The following PLD5 variants were observed in gnomAD, a reference collection of about 807,000 sequenced individuals.
PLD5 encodes inactive phospholipase D5.
In PLD5, 36 loss-of-function variants were observed where a neutral mutation model predicts 61.1. The observed-to-expected ratio is 0.59, with a 90% CI of 0.45 to 0.78. The LOEUF (loss-of-function observed/expected upper bound fraction) is 0.78, where lower values mean the gene tolerates loss of function less well. Ranked by LOEUF, PLD5 falls within the 30% of genes least tolerant of loss-of-function variation. The pLI is 0.00. For missense variants in PLD5, 515 were observed against 644.4 expected, an observed-to-expected ratio of 0.80 and a Z score of 2.17; for synonymous variants, 243 against 242.8, an observed-to-expected ratio of 1.00 and a Z score of -0.01.
intron 1 of PLD5, among the ~76,000 whole-genome samples, chr1:242,419,372 C>A (rs1228781724): frequency 6.7e-6 from 1 of 149,254 alleles, no homozygotes; most frequent in African/African-American, 2.5e-5. Context: ...AAGCTGAGTG[C>A]AGTCCTGATT....
intron 9 of PLD5, among the ~76,000 whole-genome samples, chr1:242,092,799 C>T (rs1659935438): frequency 6.6e-6 from 1 of 152,150 alleles, no homozygotes; most frequent in Non-Finnish European, 1.5e-5. Flanking sequence ...GGTCTCTGCT[C>T]TGTATTCTGG....
chr1:242,112,323 G>GTGTATATA (rs1353476913), intron 7 of PLD5, among the ~76,000 whole-genome samples: 14 of 80,568 alleles, frequency 1.7e-4, no homozygotes, highest in South Asian at 6.2e-4. Flanking sequence ...GTGTGTGTGT[G>GTGTATATA]TATGTATGTA....
intron 4 of PLD5, among the ~76,000 whole-genome samples, chr1:242,255,872 C>A (rs2149089386): frequency 6.6e-6 from 1 of 152,274 alleles, no homozygotes; most frequent in East Asian, 1.9e-4. Flanking sequence ...ACAAGAGTGA[C>A]AGAGATTTAG....
intron 1 of PLD5, among the ~76,000 whole-genome samples, chr1:242,429,177 A>C (rs1370424811): frequency 1.3e-5 from 2 of 152,228 alleles, no homozygotes; most frequent in Admixed American, 1.3e-4. Context: ...GATCTTGAAA[A>C]AGTTCCAATA....
chr1:242,359,958 A>G (rs1660977365), intron 1 of PLD5, among the ~76,000 whole-genome samples: 1 of 152,210 alleles, frequency 6.6e-6, no homozygotes, highest in African/African-American at 2.4e-5. Flanking sequence ...AGAGAGGCAG[A>G]GAGAAATAGG....
At chr1:242,191,472 G>C (rs139266252) in intron 5 of PLD5, among the ~76,000 whole-genome samples, 1 of 152,068 alleles carries the variant, frequency 6.6e-6, no homozygotes. Context: ...TGTAATCCCA[G>C]CTACTCGGGA....
intron 1 of PLD5, among the ~76,000 whole-genome samples, chr1:242,378,261 A>G (rs558168176): frequency 3.3e-5 from 5 of 152,230 alleles, no homozygotes; most frequent in African/African-American, 1.2e-4. Flanking sequence ...TCCTGACACA[A>G]AAGGATAATG....
At chr1:242,464,277 C>A (rs1667209468) in intron 1 of PLD5, among the ~76,000 whole-genome samples, 1 of 152,130 alleles carries the variant, frequency 6.6e-6, no homozygotes, top group African/African-American at 2.4e-5. Context: ...GTGCCAGTGG[C>A]TCCTATATTA....
intron 5 of PLD5, among the ~76,000 whole-genome samples, chr1:242,134,755 G>A (rs1019236650): frequency 5.3e-5 from 8 of 152,086 alleles, no homozygotes; most frequent in Admixed American, 2.0e-4. Flanking sequence ...CCACACATAC[G>A]CCACAGCAGT....
intron 5 of PLD5, among the ~76,000 whole-genome samples, chr1:242,195,267 C>T (rs927247203): frequency 9.2e-5 from 14 of 152,166 alleles, no homozygotes; most frequent in East Asian, 1.9e-4. Context: ...GCATCTGGAG[C>T]GCTTTTGCTG....
At chr1:242,183,649 A>AG (rs1667663843) in intron 5 of PLD5, among the ~76,000 whole-genome samples, 1 of 152,120 alleles carries the variant, frequency 6.6e-6, no homozygotes. Context: ...TAATCCCAGC[A>AG]CTTTGGGAGG....
intron 2 of PLD5, among the ~76,000 whole-genome samples, chr1:242,297,671 C>G (rs367865735): frequency 2.1e-5 from 3 of 143,556 alleles, no homozygotes; most frequent in Non-Finnish European, 3.0e-5. Context: ...CTCGCTCTGT[C>G]GCCCAGGCCG....
chr1:242,310,941 T>C (rs1676662321), intron 2 of PLD5, among the ~76,000 whole-genome samples: 1 of 152,192 alleles, frequency 6.6e-6, no homozygotes, highest in African/African-American at 2.4e-5. Flanking sequence ...TCCAGAATCT[T>C]TTATGTGAAA....
chr1:242,149,330 C>T (rs1018143185), intron 5 of PLD5, among the ~76,000 whole-genome samples: 1 of 151,768 alleles, frequency 6.6e-6, no homozygotes, highest in African/African-American at 2.4e-5. Context: ...GCCTTGCATT[C>T]CTGAGATAAA....
At chr1:242,299,708 C>T (rs1675919659) in intron 2 of PLD5, among the ~76,000 whole-genome samples, 1 of 152,206 alleles carries the variant, frequency 6.6e-6, no homozygotes, top group African/African-American at 2.4e-5. Flanking sequence ...AGGACGTATT[C>T]TCTCACTGCC....
chr1:242,210,235 A>G (rs1669719025), intron 5 of PLD5: 1 of 152,288 alleles, frequency 6.6e-6, no homozygotes, highest in Non-Finnish European at 1.5e-5. Flanking sequence ...GTGCCACTCC[A>G]GTGAATACAC....
At chr1:242,412,503 C>T (rs1205374773) in intron 1 of PLD5, among the ~76,000 whole-genome samples, 2 of 152,150 alleles carry the variant, frequency 1.3e-5, no homozygotes, top group Non-Finnish European at 2.9e-5. Flanking sequence ...CACGTATTCA[C>T]CACCACAGTC....
chr1:242,116,157 G>A (rs1574327134), intron 6 of PLD5, among the ~76,000 whole-genome samples: 1 of 152,238 alleles, frequency 6.6e-6, no homozygotes, highest in Non-Finnish European at 1.5e-5. Context: ...GGAATGAATG[G>A]TAGTATTGGG....
intron 1 of PLD5, among the ~76,000 whole-genome samples, chr1:242,351,972 A>G (rs887760854): frequency 6.6e-6 from 1 of 152,220 alleles, no homozygotes; most frequent in Non-Finnish European, 1.5e-5. Context: ...TTATAGTTTT[A>G]TAAGGTACAA....
Sources: gnomAD v4.1 joint callset for allele counts (sites outside exome capture counted in the v4.1 genomes callset) on GRCh38, gnomAD v4.1.1 for gene constraint, MANE v1.5 for transcripts, NCBI Gene and HGNC (gene_info 2026-07-23, HGNC 2026-07-21) for gene names.